CPNE1: variants seen among roughly 807,000 people sequenced by gnomAD.
CPNE1 encodes copine-1.
In CPNE1, 58 loss-of-function variants were observed where a neutral mutation model predicts 63.2. The ratio of observed to expected loss-of-function variants is 0.92; its 90% confidence interval spans 0.74 to 1.14. The LOEUF is 1.14. Among genes scored for constraint, CPNE1 ranks in the 50% most tolerant of loss-of-function variants. The pLI is 0.00. For synonymous variants in CPNE1, 237 were observed against 249.0 expected (o/e 0.95, Z 0.45); for missense variants, 672 against 661.7 (o/e 1.02, Z -0.17).
intron 1 of CPNE1, chr20:35,655,473 T>C: frequency 1.3e-6 from 1 of 765,016 alleles, no homozygotes; most frequent in South Asian, 2.0e-5. Context: ...GCAATGTCTT[T>C]AATTTAGATA....
chr20:35,637,809 G>C (rs1238247167), intron 1 of CPNE1, among the ~76,000 whole-genome samples: 1 of 152,110 alleles, frequency 6.6e-6, no homozygotes, highest in Admixed American at 6.5e-5. Flanking sequence ...CCTTACCCTT[G>C]CCTAACTAAT....
intron 14 of CPNE1, 101 bp from the exon 15 acceptor site, chr20:35,626,904 C>A (rs1225288167): frequency 5.0e-6 from 5 of 1,007,636 alleles, no homozygotes; most frequent in Non-Finnish European, 7.8e-6. Flanking sequence ...TCCCTTGTTA[C>A]AGGCCGGGTG....
chr20:35,646,383 GACAA>G (rs916005820), intron 1 of CPNE1, among the ~76,000 whole-genome samples: 1 of 144,374 alleles, frequency 6.9e-6, no homozygotes, highest in African/African-American at 2.6e-5. Context: ...AACTCTAAGT[GACAA>G]GGCTTTTTTT....
chr20:35,633,036 G>C, intron 1 of CPNE1, 113 bp from the exon 2 acceptor site: 3 of 740,056 alleles, frequency 4.1e-6, no homozygotes, highest in Non-Finnish European at 6.9e-6. Flanking sequence ...CTGAGCATAC[G>C]TCCACCCCCG....
intron 1 of CPNE1, among the ~76,000 whole-genome samples, chr20:35,642,578 T>A (rs913562108): frequency 1.3e-5 from 2 of 152,212 alleles, no homozygotes; most frequent in African/African-American, 4.8e-5. Flanking sequence ...ACTCTTCTTT[T>A]TCCTTTTTGG....
At chr20:35,626,838 C>G in intron 14 of CPNE1, 35 bp from the exon 15 acceptor site, 1 of 1,552,800 alleles carries the variant, frequency 6.4e-7, no homozygotes, top group Non-Finnish European at 8.9e-7. Context: ...TGAAGCAGAT[C>G]CTCCTCCTAA....
At chr20:35,638,824 G>T (rs1207986662) in intron 1 of CPNE1, among the ~76,000 whole-genome samples, 1 of 152,150 alleles carries the variant, frequency 6.6e-6, no homozygotes, top group Non-Finnish European at 1.5e-5. Context: ...TCTGTAACAT[G>T]AATAAAAATG....
At chr20:35,629,944 G>A (rs1233987585) in intron 13 of CPNE1, among the ~76,000 whole-genome samples, 1 of 152,132 alleles carries the variant, frequency 6.6e-6, no homozygotes, top group Non-Finnish European at 1.5e-5. Flanking sequence ...TTACGGGCGT[G>A]AGCCACCACT....
At chr20:35,663,817 A>G (rs2034374610) in intron 1 of CPNE1, among the ~76,000 whole-genome samples, 1 of 152,156 alleles carries the variant, frequency 6.6e-6, no homozygotes, top group Admixed American at 6.5e-5. Context: ...TAACCTGTAG[A>G]TCCTCAAAGT....
chr20:35,646,966 T>A (rs534746308), intron 1 of CPNE1, among the ~76,000 whole-genome samples: 6 of 152,190 alleles, frequency 3.9e-5, no homozygotes, highest in Non-Finnish European at 5.9e-5. Context: ...TTACCACTTC[T>A]CTATATGACG....
chr20:35,658,628 GC>G (rs2034044195), intron 1 of CPNE1, among the ~76,000 whole-genome samples: 1 of 152,082 alleles, frequency 6.6e-6, no homozygotes, highest in Non-Finnish European at 1.5e-5. Flanking sequence ...GGGTATGGTG[GC>G]AGGCGCCTGT....
At chr20:35,649,289 T>C (rs763684465) in intron 1 of CPNE1, 73 of 152,352 alleles carry the variant, frequency 4.8e-4, no homozygotes, top group Non-Finnish European at 9.6e-4. Context: ...ACTTGGCCCA[T>C]ACCTGTACAC....
chr20:35,652,290 A>C (rs2033578388), intron 1 of CPNE1: 3 of 454,054 alleles, frequency 6.6e-6, no homozygotes, highest in East Asian at 7.5e-5. Flanking sequence ...CTCTAATGGT[A>C]TGCCAAAATC....
intron 1 of CPNE1, chr20:35,654,296 T>C (rs1469571969): frequency 6.2e-7 from 1 of 1,614,036 alleles, no homozygotes; most frequent in Non-Finnish European, 8.5e-7. Context: ...CCATTCCCAT[T>C]ATTTCGACCT....
intron 1 of CPNE1, chr20:35,654,938 G>C (rs191944725): frequency 2.5e-6 from 4 of 1,614,132 alleles, no homozygotes; most frequent in African/African-American, 2.7e-5. Context: ...CTGGGTGATG[G>C]ATTATTAAAG....
chr20:35,645,106 T>C (rs1445091424), intron 1 of CPNE1, among the ~76,000 whole-genome samples: 1 of 152,128 alleles, frequency 6.6e-6, no homozygotes, highest in Non-Finnish European at 1.5e-5. Context: ...ACCAAATACC[T>C]GTGCATCTAC....
chr20:35,634,168 G>A lies in CPNE1; in HGVS notation c.1-1245C>T, dbSNP rs531524636. On this transcript the variant is annotated intron_variant, in intron 1 of 15. Transcript: ENST00000397443. ...CCCAGCTACTCGGGAGGCTGAGGCA[G>A]GAGAATGGCGTGAATCCGGGAGGCA... Among the ~76,000 whole-genome samples, 3 of 150,790 alleles carry A rather than the reference G, an allele frequency of 2.0e-5. No individual in the cohort carries two copies. The East Asian group carries it at 5.9e-4, about 29-fold the overall frequency.
At chr20:35,659,659 TTAAA>T (rs909061687) in intron 1 of CPNE1, among the ~76,000 whole-genome samples, 1 of 152,002 alleles carries the variant, frequency 6.6e-6, no homozygotes, top group African/African-American at 2.4e-5. Context: ...CTTGTAAAAT[TTAAA>T]TAAATAAAAT....
intron 1 of CPNE1, among the ~76,000 whole-genome samples, chr20:35,646,424 A>G (rs2033106601): frequency 7.9e-6 from 1 of 126,286 alleles, no homozygotes; most frequent in African/African-American, 3.2e-5. Flanking sequence ...GGGTCTTGCT[A>G]TGTTACTCAC....
Sources: gnomAD v4.1 joint callset for allele counts (sites outside exome capture counted in the v4.1 genomes callset) on GRCh38, gnomAD v4.1.1 for gene constraint, MANE v1.5 for transcripts, NCBI Gene and HGNC (gene_info 2026-07-23, HGNC 2026-07-21) for gene names.